HSD17B12: variants seen among roughly 807,000 people sequenced by gnomAD.
HSD17B12 encodes hydroxysteroid 17-beta dehydrogenase 12, also known as very-long-chain 3-oxoacyl-CoA reductase.
In HSD17B12, 32 loss-of-function variants were observed where a neutral mutation model predicts 39.3. The ratio of observed to expected loss-of-function variants is 0.81; its 90% CI spans 0.61 to 1.09. The LOEUF is 1.09. Among genes scored for constraint, HSD17B12 ranks in the 50% least tolerant of loss-of-function variants. HSD17B12 has a pLI of 0.00. For synonymous variants in HSD17B12, 150 were observed against 146.7 expected, an observed-to-expected ratio of 1.02 and a Z score of -0.16; for missense variants, 342 against 382.9, an observed-to-expected ratio of 0.89 and a Z score of 0.89.
rs1028077572 is a variant in HSD17B12 at position 43,855,461 on chromosome 11, T to A, written c.*213T>A. ...TCCGAGGTAATTTTGAAGTTTAATA[T>A]AAATGCTCATATCAAATGAATATAG... On this transcript the variant is annotated 3_prime_UTR_variant, in exon 11 of 11. Coordinates refer to ENST00000278353, the MANE Select transcript of HSD17B12 (RefSeq NM_016142.3). 2 of 317,782 alleles carry A rather than the reference T, an allele frequency of 6.3e-6. No individual in the cohort carries two copies. Among genetic ancestry groups the A allele is most frequent in the Admixed American group, 4.9e-5 (1 of 20,560 alleles). 19.7% of individuals were successfully genotyped at this position (317,782 alleles called of 1,614,324 possible).
chr11:43,776,569 G>C (rs1950706643), intron 3 of HSD17B12, among the ~76,000 whole-genome samples: 1 of 152,180 alleles, frequency 6.6e-6, no homozygotes. Context: ...TGTTCACTCT[G>C]ATGGTAGTTT....
At chr11:43,853,675 A>G (rs948662480) in intron 9 of HSD17B12, 1 of 152,114 alleles carries the variant, frequency 6.6e-6, no homozygotes, top group Non-Finnish European at 1.5e-5. Flanking sequence ...TGTGGTTCCA[A>G]CTACTCAGAA....
the HSD17B12 span, chr11:43,581,302 G>T: frequency 2.1e-5 from 10 of 467,776 alleles, no homozygotes; most frequent in Admixed American, 2.3e-4. The surrounding 1 kb of genome is among the most constrained non-coding windows in gnomAD (Gnocchi z 4.9). Flanking sequence ...AGCCGCGATG[G>T]AACGCGCTGG....
chr11:43,734,148 G>A (rs1950294768), intron 1 of HSD17B12: 7 of 1,552,786 alleles, frequency 4.5e-6, no homozygotes, highest in Middle Eastern at 2.0e-4. Context: ...GTGGTGGCAC[G>A]CTTTGATGCT....
chr11:43,822,794 G>A (rs529859575), intron 6 of HSD17B12, among the ~76,000 whole-genome samples: 6 of 152,194 alleles, frequency 3.9e-5, no homozygotes, highest in South Asian at 4.1e-4. Context: ...ATAAACATAC[G>A]TGTGCATGTG....
chr11:43,625,339 C>T, the HSD17B12 span, among the ~76,000 whole-genome samples: 1 of 151,442 alleles, frequency 6.6e-6, no homozygotes, highest in Non-Finnish European at 1.5e-5. Context: ...ACATACTGGT[C>T]ATAATCACTA....
chr11:43,698,476 G>A (rs1949933001), intron 1 of HSD17B12, among the ~76,000 whole-genome samples: 1 of 152,206 alleles, frequency 6.6e-6, no homozygotes, highest in African/African-American at 2.4e-5. Flanking sequence ...TGTATTCCAT[G>A]TAGCACATTG....
intron 3 of HSD17B12, among the ~76,000 whole-genome samples, chr11:43,780,240 A>G (rs1950751377): frequency 6.6e-6 from 1 of 152,172 alleles, no homozygotes; most frequent in Non-Finnish European, 1.5e-5. Flanking sequence ...TTCTCAGCTT[A>G]CTGCAACCTC....
the HSD17B12 span, among the ~76,000 whole-genome samples, chr11:43,607,279 A>AGTGT: frequency 0.016 from 2,392 of 145,360 alleles, 22 homozygotes; most frequent in African/African-American, 0.026. Context: ...TGTGCTCCTG[A>AGTGT]GTGTGTGTGT....
At chr11:43,743,597 G>A (rs920321469) in intron 1 of HSD17B12, among the ~76,000 whole-genome samples, 2 of 152,194 alleles carry the variant, frequency 1.3e-5, no homozygotes, top group African/African-American at 4.8e-5. Context: ...GAGAACAGAG[G>A]ATGAGTAAAA....
In HSD17B12 at chr11:43,751,045, TA is replaced by T. The variant is rs551001038; in HGVS notation, c.207+94del. On this transcript the variant is annotated intron_variant, in intron 2 of 10. Transcript: ENST00000278353. Reference sequence around the variant, plus strand: ...CTTATAGTAGTTTTGATTTTTGAAGTAAAAAACACAAATATAATGTTGCATG... The same window carrying T: ...CTTATAGTAGTTTTGATTTTTGAAGTAAAAACACAAATATAATGTTGCATG... 1.6e-3 allele frequency: 1,336 copies of T among 858,836 alleles called. 6 individuals carry two copies. The highest frequency in any genetic ancestry group is 1.6e-3 in the Non-Finnish European group (883 of 548,202). The allele number at this position is 858,836 out of a possible 1,614,324, so 53.2% of individuals were successfully genotyped here.
the HSD17B12 span, among the ~76,000 whole-genome samples, chr11:43,611,440 A>T: frequency 9.9e-5 from 15 of 152,200 alleles, no homozygotes; most frequent in African/African-American, 3.1e-4. Context: ...GTTGATGAGC[A>T]CTTGCACAGG....
chr11:43,845,573 A>T (rs1488988917), intron 9 of HSD17B12, among the ~76,000 whole-genome samples: 2 of 152,106 alleles, frequency 1.3e-5, no homozygotes, highest in Non-Finnish European at 2.9e-5. Flanking sequence ...TACATTCCTC[A>T]TTTGGGGTTT....
the HSD17B12 span, among the ~76,000 whole-genome samples, chr11:43,640,517 A>G: frequency 6.6e-6 from 1 of 152,120 alleles, no homozygotes; most frequent in African/African-American, 2.4e-5. Context: ...ATTGATTTGA[A>G]GATAGAAAGG....
At chr11:43,751,205 A>G (rs1798383743) in intron 2 of HSD17B12, among the ~76,000 whole-genome samples, 1 of 152,334 alleles carries the variant, frequency 6.6e-6, no homozygotes, top group African/African-American at 2.4e-5. Context: ...GGAACTGGGA[A>G]CAATTTAGTG....
the HSD17B12 span, among the ~76,000 whole-genome samples, chr11:43,612,061 G>C: frequency 6.6e-6 from 1 of 152,156 alleles, no homozygotes; most frequent in African/African-American, 2.4e-5. Flanking sequence ...TCTTTCTACT[G>C]TATCAGGGTA....
Position 43,838,327 on chromosome 11 carries a change from G to T in HSD17B12, c.547G>T (p.Ala183Ser). 6.2e-7 allele frequency: 1 copy of T among 1,612,432 alleles called. No homozygotes were observed. The highest frequency in any genetic ancestry group is 1.1e-5 in the South Asian group (1 of 91,030). ...CATTTTCCTTTTTAGATCCAAAGGG[G>T]CTATTCTGAACATTTCATCTGGCAG... ...LPGMVERSKG[A>S]ILNISSGSGM... The change falls in exon 8 of 11, where the codon GCT (alanine) becomes TCT (serine). Residue 183 changes from alanine to serine, a missense_variant. Ala to Ser is a moderately conservative substitution (Grantham distance 99). Transcript: ENST00000278353.
At chr11:43,595,761 G>C in the HSD17B12 span, among the ~76,000 whole-genome samples, 8 of 151,982 alleles carry the variant, frequency 5.3e-5, no homozygotes, top group African/African-American at 1.7e-4. Context: ...GAACATATAC[G>C]CTCATGGATT....
intron 1 of HSD17B12, among the ~76,000 whole-genome samples, chr11:43,716,137 G>A (rs180867146): frequency 6.7e-4 from 102 of 152,256 alleles, no homozygotes; most frequent in East Asian, 5.8e-4. Flanking sequence ...TAACAAACCC[G>A]TAGATTAAAT....
Sources: allele counts gnomAD v4.1 joint callset (sites outside exome capture counted in the v4.1 genomes callset), GRCh38; gene constraint gnomAD v4.1.1; non-coding constraint Gnocchi (gnomAD v3.1); transcripts MANE v1.5; gene names NCBI Gene and HGNC (gene_info 2026-07-23, HGNC 2026-07-21).